PLOD2: variants seen among roughly 807,000 people sequenced by gnomAD.
PLOD2 encodes the protein lysine hydroxylase 2.
PLOD2 carries 65 observed loss-of-function variants against 101.0 expected under a neutral mutation model. The ratio of observed to expected loss-of-function variants is 0.64; its 90% CI spans 0.53 to 0.79. The LOEUF is 0.79. Ranked by LOEUF, PLOD2 falls within the 30% of genes least tolerant of loss-of-function variation. The pLI, the probability that PLOD2 is intolerant of heterozygous loss-of-function variation, is 0.00. For synonymous variants in PLOD2, 314 were observed against 302.9 expected (o/e 1.04, Z -0.38); for missense variants, 909 against 914.6 (o/e 0.99, Z 0.08).
chr3:146,106,666 G>T, intron 4 of PLOD2, 22 bp from the exon 5 acceptor site: 1 of 1,213,690 alleles, frequency 8.2e-7, no homozygotes, highest in Non-Finnish European at 1.2e-6. Context: ...CAGAGAGAAA[G>T]TAGATAATTT....
intron 3 of PLOD2, among the ~76,000 whole-genome samples, chr3:146,118,240 T>A (rs1938009483): frequency 6.6e-6 from 1 of 152,096 alleles, no homozygotes; most frequent in African/African-American, 2.4e-5. Context: ...TGTAGAAAAA[T>A]TCCCAGTACA....
Position 146,081,816 on chromosome 3 carries a change from T to C in PLOD2, c.1280A>G (p.Asn427Ser), listed in dbSNP as rs893004444. Residue 427 changes from asparagine (N) to serine (S), a missense_variant, in exon 12 of 20, where the codon AAT becomes AGT. Asn to Ser is a conservative substitution (Grantham distance 46). Transcript: ENST00000282903. ...LVTRHGKLWS[N>S]FWGALSPDGY... ...ATCAGGACTCAATGCTCCCCAGAAA[T>C]TGGACCACAGCTTTCCATGACGAGT... 14 of 1,612,206 alleles carry C rather than the reference T, an allele frequency of 8.7e-6. No individual in the cohort carries two copies. Among genetic ancestry groups the C allele is most frequent in the African/African-American group, 5.3e-5 (4 of 74,896 alleles).
chr3:146,082,280 G>A (rs565632601), intron 11 of PLOD2, among the ~76,000 whole-genome samples: 1 of 152,172 alleles, frequency 6.6e-6, no homozygotes, highest in African/African-American at 2.4e-5. Flanking sequence ...AGCCCCTGGT[G>A]CATTTAAGAT....
chr3:146,098,186 G>T (rs1313031503), intron 7 of PLOD2, among the ~76,000 whole-genome samples: 1 of 152,080 alleles, frequency 6.6e-6, no homozygotes, highest in Non-Finnish European at 1.5e-5. Flanking sequence ...AAACCTGCAC[G>T]TTCAGCACAT....
In PLOD2 at chr3:146,087,998, A is replaced by C. The variant is rs978360942; in HGVS notation, c.1005+588T>G. Among the ~76,000 whole-genome samples the C allele has an allele frequency of 5.9e-5, 9 of 151,834 alleles. No homozygotes were observed. In the South Asian group the frequency reaches 6.2e-4, roughly 10 times the overall value. ...TCACAGCTATTGAGTTTTTCTAGAC[A>C]ATGTTAAATACCAGTGGTTTTAGTA... is the stretch of plus-strand genomic sequence containing the variant. On this transcript the variant is annotated intron_variant, in intron 9 of 19. Transcript: ENST00000282903.
chr3:146,138,855 A>C lies in PLOD2; in HGVS notation c.110-14626T>G, dbSNP rs149806508. Among the ~76,000 whole-genome samples the C allele has an allele frequency of 7.9e-3, 1,207 of 152,276 alleles. 12 individuals carry two copies. The highest frequency in any genetic ancestry group is 0.014 in the Non-Finnish European group (946 of 68,018). ...AGATACTATTAATTCATTTAATCCA[A>C]GTATTACTGCTCTTCCAATATTACA... On this transcript the variant is annotated intron_variant, in intron 1 of 19. Transcript: ENST00000282903.
Position 146,083,584 on chromosome 3 carries a change from T to C in PLOD2, c.1232+1585A>G, listed in dbSNP as rs1438276856. 2.4e-4 allele frequency among the ~76,000 whole-genome samples: 29 copies of C among 120,630 alleles called. 1 individual carries two copies. The highest frequency in any genetic ancestry group is 1.1e-3 in the East Asian group (5 of 4,652). 79.1% of individuals were successfully genotyped at this position (120,630 alleles called of 152,430 possible). ...TGGCAGGTAAGTCTTTTTCTTTTTT[T>C]TTTTTTTTTTTTTTTGAGACGGAGT... On this transcript the variant is annotated intron_variant, in intron 11 of 19. Coordinates refer to ENST00000282903, the MANE Select transcript of PLOD2 (RefSeq NM_182943.3).
chr3:146,104,082 C>T (rs1018994631), intron 6 of PLOD2, among the ~76,000 whole-genome samples, 197 bp downstream of exon 6: 5 of 152,176 alleles, frequency 3.3e-5, no homozygotes, highest in Admixed American at 6.5e-5. Context: ...CTTTTTCACA[C>T]TAGTCATAGG....
chr3:146,077,262 T>A, intron 14 of PLOD2: 1 of 597,962 alleles, frequency 1.7e-6, no homozygotes, highest in Non-Finnish European at 2.1e-6. Context: ...TCTTTCTCTT[T>A]CAAAGAAAGC....
intron 1 of PLOD2, among the ~76,000 whole-genome samples, chr3:146,160,039 CAA>C (rs1430566878): frequency 6.6e-6 from 1 of 151,992 alleles, no homozygotes; most frequent in Non-Finnish European, 1.5e-5. Flanking sequence ...TAACAAAAAA[CAA>C]AACAAAACAA....
chr3:146,121,111 C>T lies in PLOD2; in HGVS notation c.338+1G>A. On this transcript the variant is annotated splice_donor_variant, in intron 3 of 19. Coordinates refer to ENST00000282903, the MANE Select transcript of PLOD2 (RefSeq NM_182943.3). LOFTEE classifies it high-confidence loss of function. Reference sequence around the variant, plus strand: ...TAAAATCCACAGGGTGTTTCTCCTACCATTCAGTAAACATGACAACCAGAT... The same window carrying T: ...TAAAATCCACAGGGTGTTTCTCCTATCATTCAGTAAACATGACAACCAGAT... 1.3e-6 allele frequency: 2 copies of T among 1,592,346 alleles called. No homozygotes were observed. Among genetic ancestry groups the T allele is most frequent in the South Asian group, 2.2e-5 (2 of 90,654 alleles).
intron 8 of PLOD2, among the ~76,000 whole-genome samples, chr3:146,089,309 T>C (rs748607254): frequency 4.0e-5 from 6 of 151,562 alleles, no homozygotes; most frequent in Non-Finnish European, 7.4e-5. Context: ...TGTTTTGGTG[T>C]GGAGTTTATC....
At position 146,079,175 on chromosome 3, in the gene PLOD2, A is replaced by C; in HGVS notation, c.1441T>G (p.Tyr481Asp). The change falls in exon 13 of 20, where the codon TAT (tyrosine) becomes GAT (aspartate). Residue 481 changes from tyrosine (Y) to aspartate (D), a missense_variant. Transcript: ENST00000282903. ...TLRSEMNERN[Y>D]FVRDKLDPDM... ...GGATCCAGTTTATCACGAACAAAATAGTTCCTTTCATTCATCTCTGATCGG... is the reference window on the plus strand; with the variant it reads ...GGATCCAGTTTATCACGAACAAAATCGTTCCTTTCATTCATCTCTGATCGG... 2.5e-6 allele frequency: 4 copies of C among 1,612,306 alleles called. No homozygotes were observed. The highest frequency in any genetic ancestry group is 3.4e-6 in the Non-Finnish European group (4 of 1,178,470).
intron 1 of PLOD2, among the ~76,000 whole-genome samples, chr3:146,127,946 T>C (rs1022668140): frequency 2.0e-5 from 3 of 151,982 alleles, no homozygotes; most frequent in East Asian, 3.9e-4. Flanking sequence ...CCATGGAAAA[T>C]AGTATGGAAA....
In PLOD2 at chr3:146,070,046, T is replaced by G. The variant is rs1936065674; in HGVS notation, c.*671A>C. The G allele has an allele frequency of 6.6e-6, 1 of 151,950 alleles. No individual in the cohort carries two copies. Among genetic ancestry groups the G allele is most frequent in the Admixed American group, 6.6e-5 (1 of 15,184 alleles). The allele number at this position is 151,950 out of a possible 1,614,324, so 9.4% of individuals were successfully genotyped here. ...TATAATCCACTTTGGAAGATTCATC[T>G]GAAAGAAACATAGGGTTTGATTTTT... On this transcript the variant is annotated 3_prime_UTR_variant, in exon 20 of 20. Coordinates refer to ENST00000282903, the MANE Select transcript of PLOD2 (RefSeq NM_182943.3).
intron 8 of PLOD2, among the ~76,000 whole-genome samples, chr3:146,089,426 C>G (rs1320142384): frequency 6.6e-6 from 1 of 151,470 alleles, no homozygotes; most frequent in Non-Finnish European, 1.5e-5. Flanking sequence ...GAAAGACTTA[C>G]AAGTAGATGG....
At position 146,103,912 on chromosome 3, in the gene PLOD2, C is replaced by G. The variant is rs1457309609; in HGVS notation, c.679+367G>C. Among the ~76,000 whole-genome samples, 3 of 151,554 alleles carry G rather than the reference C, an allele frequency of 2.0e-5. No homozygotes were observed. In the East Asian group the frequency reaches 5.8e-4, roughly 29 times the overall value. On this transcript the variant is annotated intron_variant, in intron 6 of 19. Transcript: ENST00000282903. Reference sequence around the variant, plus strand: ...CTAGTTGTCACCAGTTATCTTTCAGCTGGGTCAAAAGGATCTACTCTAATA... The same window carrying G: ...CTAGTTGTCACCAGTTATCTTTCAGGTGGGTCAAAAGGATCTACTCTAATA...
rs2030108170 is a variant in PLOD2 at position 146,121,150 on chromosome 3, A to G, written c.300T>C (p.Tyr100=). 2 of 1,608,626 alleles carry G rather than the reference A, an allele frequency of 1.2e-6. No individual in the cohort carries two copies. Among genetic ancestry groups the G allele is most frequent in the Non-Finnish European group, 1.7e-6 (2 of 1,175,114 alleles). Residue 100 remains tyrosine, a synonymous_variant, in exon 3 of 20, where the codon TAT becomes TAC. Coordinates refer to ENST00000282903, the MANE Select transcript of PLOD2 (RefSeq NM_182943.3). The part of the protein sequence containing the change: ...VRLMKEVMEH[Y]ADQDDLVVMF... Reference sequence around the variant, plus strand: ...TGACAACCAGATCATCTTGATCAGCATAGTGTTCCATGACTTCTTTCATTA... The same window carrying G: ...TGACAACCAGATCATCTTGATCAGCGTAGTGTTCCATGACTTCTTTCATTA...
At chr3:146,110,134 C>G in intron 4 of PLOD2, 151 bp downstream of exon 4, 1 of 687,690 alleles carries the variant, frequency 1.5e-6, no homozygotes, top group Non-Finnish European at 2.5e-6. Context: ...CACCAACTCA[C>G]ATAATACATG....
Sources: allele counts gnomAD v4.1 joint callset (sites outside exome capture counted in the v4.1 genomes callset), GRCh38; gene constraint gnomAD v4.1.1; transcripts MANE v1.5; gene names NCBI Gene and HGNC (gene_info 2026-07-23, HGNC 2026-07-21).